Variants in C2orf42 observed in about 807,000 individuals in gnomAD.
C2orf42 encodes the protein chromosome 2 open reading frame 42, also known as uncharacterized protein C2orf42.
Under a neutral mutation model 58.9 loss-of-function variants are expected in C2orf42, and 44 were observed. That is an observed-to-expected ratio of 0.75 (90% CI 0.59 to 0.96). The LOEUF (loss-of-function observed/expected upper bound fraction) is 0.96, where lower values mean the gene tolerates loss of function less well. Among genes scored for constraint, C2orf42 ranks in the 40% least tolerant of loss-of-function variants. The pLI is 0.00. For synonymous variants in C2orf42, 239 were observed against 265.4 expected (o/e 0.90, Z 0.97); for missense variants, 630 against 699.2 (o/e 0.90, Z 1.12).
chr2:70,169,478 T>C, intron 6 of C2orf42, 79 bp downstream of exon 6: 1 of 693,052 alleles, frequency 1.4e-6, no homozygotes, highest in Admixed American at 2.2e-5. Flanking sequence ...TTACTTTTCC[T>C]ATCAGAGGAG....
At chr2:70,184,705 T>A (rs1674811505) in intron 1 of C2orf42, among the ~76,000 whole-genome samples, 1 of 152,004 alleles carries the variant, frequency 6.6e-6, no homozygotes, top group Non-Finnish European at 1.5e-5. Flanking sequence ...GGCTTTGAAC[T>A]CCTGGGCTCA....
intron 6 of C2orf42, among the ~76,000 whole-genome samples, chr2:70,166,187 C>T (rs1673390687): frequency 6.6e-6 from 1 of 151,054 alleles, no homozygotes; most frequent in Non-Finnish European, 1.5e-5. Flanking sequence ...CCGTGCCTGG[C>T]CAAAATTTTT....
Position 70,150,191 on chromosome 2 carries a change from A to C in C2orf42, c.*165T>G. The C allele has an allele frequency of 1.6e-6, 1 of 626,746 alleles. No individual in the cohort carries two copies. The highest frequency in any genetic ancestry group is 2.8e-6 in the Non-Finnish European group (1 of 354,384). 38.8% of individuals were successfully genotyped at this position (626,746 alleles called of 1,614,324 possible). A position where few individuals can be genotyped will look rare whatever the true frequency, so the allele number is the denominator to read the frequency against. On this transcript the variant is annotated 3_prime_UTR_variant, in exon 10 of 10. Transcript: ENST00000264434. ...CAGCATCAAAAAGGCTATTTACAAGAGATTTTCTTCAACAGAATCCACTTG... is the reference window on the plus strand; with the variant it reads ...CAGCATCAAAAAGGCTATTTACAAGCGATTTTCTTCAACAGAATCCACTTG...
intron 6 of C2orf42, among the ~76,000 whole-genome samples, chr2:70,168,842 A>T (rs2104905741): frequency 6.7e-6 from 1 of 150,238 alleles, no homozygotes; most frequent in East Asian, 2.0e-4. Flanking sequence ...CCTCCCAGGT[A>T]TTTGGGACTA....
intron 1 of C2orf42, among the ~76,000 whole-genome samples, chr2:70,185,014 C>A (rs545436043): frequency 1.2e-3 from 185 of 151,432 alleles, no homozygotes; most frequent in African/African-American, 4.3e-3. Context: ...GGCGTGAACC[C>A]GGGAGACAGA....
intron 9 of C2orf42, among the ~76,000 whole-genome samples, chr2:70,151,440 A>G (rs777093778): frequency 6.6e-6 from 1 of 152,134 alleles, no homozygotes; most frequent in African/African-American, 2.4e-5. Context: ...GTTTGAGACC[A>G]GCCTGACCAA....
Position 70,166,360 on chromosome 2 carries a change from G to GA in C2orf42, c.1145-726dup, listed in dbSNP as rs369358138. ...CAGAGTGAGACCCTCCCTCAAAAAG[G>GA]AAAAAAAAAGAAAAGAAAAGAGAGG... On this transcript the variant is annotated intron_variant, in intron 6 of 9. Coordinates refer to ENST00000264434, the MANE Select transcript of C2orf42 (RefSeq NM_017880.3). Among the ~76,000 whole-genome samples, 245 of 139,612 alleles carry GA rather than the reference G, an allele frequency of 1.8e-3. 1 individual carries two copies. Among genetic ancestry groups the GA allele is most frequent in the African/African-American group, 6.0e-3 (227 of 37,782 alleles). The allele number at this position is 139,612 out of a possible 152,430, so 91.6% of individuals were successfully genotyped here. A position where few individuals can be genotyped will look rare whatever the true frequency, so the allele number is the denominator to read the frequency against.
rs200219021 is a variant in C2orf42, at chr2:70,165,486, T to C, written c.1252+42A>G. ...GATTTTTTCCAAACATAATTCTCTA[T>C]GTTCGAGACATCCATCACTATACCA... On this transcript the variant is annotated intron_variant, in intron 7 of 9. Transcript: ENST00000264434. 1,731 of 1,088,562 alleles carry C rather than the reference T, an allele frequency of 1.6e-3. 2 individuals carry two copies. Among genetic ancestry groups the C allele is most frequent in the Non-Finnish European group, 1.7e-3 (1,165 of 704,584 alleles). The allele number at this position is 1,088,562 out of a possible 1,614,324, so 67.4% of individuals were successfully genotyped here. A position where few individuals can be genotyped will look rare whatever the true frequency, so the allele number is the denominator to read the frequency against.
chr2:70,153,109 G>A (rs1343114617), intron 9 of C2orf42, among the ~76,000 whole-genome samples: 3 of 152,110 alleles, frequency 2.0e-5, no homozygotes, highest in Non-Finnish European at 4.4e-5. Context: ...AGCAATTTGG[G>A]TGTGAGAAGG....
chr2:70,175,318 C>G (rs1030317462), intron 5 of C2orf42, among the ~76,000 whole-genome samples: 13 of 152,160 alleles, frequency 8.5e-5, no homozygotes, highest in African/African-American at 3.1e-4. Context: ...GATCCTCTCA[C>G]CCCCTTCCAC....
chr2:70,155,244 A>G (rs1017766940), intron 9 of C2orf42, among the ~76,000 whole-genome samples: 3 of 152,126 alleles, frequency 2.0e-5, no homozygotes, highest in African/African-American at 7.2e-5. Flanking sequence ...TCCATCTAAA[A>G]AAATAAAAAA....
intron 5 of C2orf42, among the ~76,000 whole-genome samples, chr2:70,172,534 T>C (rs187972578): frequency 1.9e-3 from 294 of 151,856 alleles, no homozygotes; most frequent in African/African-American, 6.4e-3. Flanking sequence ...AAATAAATAA[T>C]CAAGTGTGGT....
At chr2:70,169,497 C>A (rs1471608986) in intron 6 of C2orf42, 60 bp downstream of exon 6, 2 of 849,828 alleles carry the variant, frequency 2.4e-6, no homozygotes, top group East Asian at 2.5e-5. Context: ...AGAATTACAG[C>A]ACAATTACCT....
At chr2:70,153,719 G>C (rs530550703) in intron 9 of C2orf42, among the ~76,000 whole-genome samples, 1 of 149,750 alleles carries the variant, frequency 6.7e-6, no homozygotes, top group African/African-American at 2.5e-5. Context: ...TAAACAGCTA[G>C]AAGAATCAAA....
chr2:70,165,069 CTG>C, intron 8 of C2orf42, 21 bp downstream of exon 8: 1 of 1,318,358 alleles, frequency 7.6e-7, no homozygotes, highest in Non-Finnish European at 1.1e-6. Flanking sequence ...AACCCTCCCA[CTG>C]TTATAGAAAT....
intron 9 of C2orf42, 61 bp downstream of exon 9, chr2:70,160,564 G>C: frequency 1.8e-6 from 2 of 1,124,990 alleles, no homozygotes; most frequent in South Asian, 3.1e-5. Context: ...GCTTTGGACA[G>C]TGTACTGTAC....
At chr2:70,188,473 A>T (rs1675104585) in intron 1 of C2orf42, among the ~76,000 whole-genome samples, 3 of 152,228 alleles carry the variant, frequency 2.0e-5, no homozygotes, top group Admixed American at 6.6e-5. Flanking sequence ...TACAGGCGTG[A>T]GCCGCTATGC....
chr2:70,158,204 A>C lies in C2orf42; in HGVS notation c.1516+2421T>G, dbSNP rs527410871. On this transcript the variant is annotated intron_variant, in intron 9 of 9. Transcript: ENST00000264434. ...ACAGAGTGAGACTCGGTCTCAAAAAAAAAAAAAAAGAAAGAAATTAAAGAT... is the reference window on the plus strand; with the variant it reads ...ACAGAGTGAGACTCGGTCTCAAAAACAAAAAAAAAGAAAGAAATTAAAGAT... Among the ~76,000 whole-genome samples, 4 of 151,916 alleles carry C rather than the reference A, an allele frequency of 2.6e-5. No homozygotes were observed. The South Asian group carries it at 8.3e-4, about 31-fold the overall frequency.
intron 4 of C2orf42, 52 bp from the exon 5 acceptor site, chr2:70,175,829 G>T: frequency 9.1e-7 from 1 of 1,094,140 alleles, no homozygotes; most frequent in Non-Finnish European, 1.4e-6. Context: ...AATATAAATT[G>T]ATTTGATGTT....
Sources: gnomAD v4.1 joint callset for allele counts (sites outside exome capture counted in the v4.1 genomes callset) on GRCh38, gnomAD v4.1.1 for gene constraint, MANE v1.5 for transcripts, NCBI Gene and HGNC (gene_info 2026-07-23, HGNC 2026-07-21) for gene names.